The following NUP210L variants were observed in gnomAD, a reference collection of about 807,000 sequenced individuals.
The protein encoded by NUP210L is nucleoporin 210 like, also known as nuclear pore membrane glycoprotein 210-like.
Under a neutral mutation model 208.5 loss-of-function variants are expected in NUP210L, and 74 were observed. The observed-to-expected ratio is 0.35, with a 90% CI of 0.29 to 0.43. The LOEUF (loss-of-function observed/expected upper bound fraction) is 0.43, where lower values mean the gene tolerates loss of function less well. Among genes scored for constraint, NUP210L ranks in the 20% least tolerant of loss-of-function variants. NUP210L has a pLI of 1.00. For missense variants in NUP210L, 1,843 were observed against 2,289.4 expected (o/e 0.81, Z 3.98); for synonymous variants, 780 against 816.9 (o/e 0.95, Z 0.77).
rs1651977953 is a variant in NUP210L, at chr1:154,027,712, A to G, written c.3856-115T>C. ...TACATGCAAATAAATGACAACTACG[A>G]ATCAACAGTCTGCCTAACTTCTAAT... On this transcript the variant is annotated intron_variant, in intron 28 of 39. Transcript: ENST00000368559. The G allele has an allele frequency of 6.3e-6, 4 of 638,038 alleles. No homozygotes were observed. The African/African-American group carries it at 7.4e-5, about 12-fold the overall frequency. The allele number at this position is 638,038 out of a possible 1,614,324, so 39.5% of individuals were successfully genotyped here. A position where few individuals can be genotyped will look rare whatever the true frequency, so the allele number is the denominator to read the frequency against.
chr1:154,009,624 T>TAAA (rs35760411), intron 35 of NUP210L, among the ~76,000 whole-genome samples: 2 of 55,432 alleles, frequency 3.6e-5, no homozygotes, highest in African/African-American at 1.4e-4. Context: ...ACGTTGCTCT[T>TAAA]AAAAAAAAAA....
chr1:154,091,853 T>C (rs1655936208), intron 15 of NUP210L, among the ~76,000 whole-genome samples: 1 of 151,860 alleles, frequency 6.6e-6, no homozygotes, highest in Non-Finnish European at 1.5e-5. Flanking sequence ...GTACATATTT[T>C]ATATATACAT....
At position 154,046,273 on chromosome 1, in the gene NUP210L, G is replaced by A; in HGVS notation, c.3564+16C>T. 6.2e-7 allele frequency: 1 copy of A among 1,614,092 alleles called. No individual in the cohort carries two copies. The highest frequency in any genetic ancestry group is 8.5e-7 in the Non-Finnish European group (1 of 1,179,976). On this transcript the variant is annotated intron_variant, in intron 26 of 39. Transcript: ENST00000368559. Reference sequence around the variant, plus strand: ...TTATCAGAATAATGAGCCCTGAACAGAGCCATCATACTGACCTTGGTAGCT... The same window carrying A: ...TTATCAGAATAATGAGCCCTGAACAAAGCCATCATACTGACCTTGGTAGCT...
chr1:154,015,784 C>T (rs1251489563), intron 33 of NUP210L, among the ~76,000 whole-genome samples: 1 of 151,552 alleles, frequency 6.6e-6, no homozygotes, highest in Non-Finnish European at 1.5e-5. Context: ...TGGTGTGCAC[C>T]TGTGGTCCCA....
chr1:154,028,779 C>T (rs1446653396), intron 28 of NUP210L, among the ~76,000 whole-genome samples: 2 of 151,698 alleles, frequency 1.3e-5, no homozygotes, highest in African/African-American at 2.4e-5. Context: ...CCTGCAAGTA[C>T]TAATAGTTTC....
chr1:154,018,280 A>G (rs890355857), intron 33 of NUP210L, among the ~76,000 whole-genome samples: 1 of 151,786 alleles, frequency 6.6e-6, no homozygotes, highest in Non-Finnish European at 1.5e-5. Flanking sequence ...CCTTTTTTCT[A>G]TTTTACATTC....
At chr1:154,043,367 T>C (rs1028875837) in intron 27 of NUP210L, among the ~76,000 whole-genome samples, 3 of 149,610 alleles carry the variant, frequency 2.0e-5, no homozygotes, top group African/African-American at 7.4e-5. Context: ...CAGGCTGGAG[T>C]GCAATGGCGT....
chr1:154,072,056 T>A (rs1557956512), intron 16 of NUP210L, among the ~76,000 whole-genome samples: 1 of 152,020 alleles, frequency 6.6e-6, no homozygotes. Flanking sequence ...TGGTTCCACA[T>A]TTTTGCAATT....
intron 23 of NUP210L, among the ~76,000 whole-genome samples, chr1:154,055,143 C>CT (rs749472775): frequency 3.3e-4 from 34 of 104,360 alleles, no homozygotes; most frequent in African/African-American, 9.4e-4. Context: ...TTCTTTCTTT[C>CT]TTTCTTTCTT....
At chr1:154,111,680 G>A (rs1188100572) in intron 12 of NUP210L, among the ~76,000 whole-genome samples, 1 of 151,490 alleles carries the variant, frequency 6.6e-6, no homozygotes, top group Admixed American at 6.6e-5. Context: ...GGACTTGATG[G>A]ATTCATGGCT....
intron 16 of NUP210L, among the ~76,000 whole-genome samples, chr1:154,080,582 G>T (rs539701636): frequency 6.6e-6 from 1 of 151,914 alleles, no homozygotes; most frequent in Non-Finnish European, 1.5e-5. Context: ...TACTTGGGAG[G>T]AGATTCTGAG....
chr1:154,071,345 C>T (rs1440078540), intron 16 of NUP210L, among the ~76,000 whole-genome samples: 1 of 151,642 alleles, frequency 6.6e-6, no homozygotes. Context: ...TATTTGGTTA[C>T]AAGTAAGTTC....
chr1:154,132,583 A>T (rs1009179943), intron 7 of NUP210L, among the ~76,000 whole-genome samples: 17 of 152,222 alleles, frequency 1.1e-4, no homozygotes, highest in Non-Finnish European at 1.5e-5. Context: ...AAGATAAATA[A>T]ACAGACAAAT....
exon 20 of NUP210L, chr1:154,060,569 T>C: frequency 6.2e-7 from 1 of 1,613,240 alleles, no homozygotes; most frequent in Non-Finnish European, 8.5e-7. Flanking sequence ...TCCATGTAAG[T>C]GATGGTGACA....
At chr1:154,051,770 G>C (rs1403695234) in intron 25 of NUP210L, among the ~76,000 whole-genome samples, 2 of 152,290 alleles carry the variant, frequency 1.3e-5, no homozygotes, top group South Asian at 4.2e-4. Flanking sequence ...CACTTTGTCT[G>C]GGCTACAGGC....
At chr1:154,072,680 C>G (rs967549447) in intron 16 of NUP210L, among the ~76,000 whole-genome samples, 2 of 152,088 alleles carry the variant, frequency 1.3e-5, no homozygotes, top group African/African-American at 2.4e-5. Context: ...AAATGACACC[C>G]TATTTAACGA....
intron 3 of NUP210L, among the ~76,000 whole-genome samples, chr1:154,143,115 G>A (rs1658939145): frequency 6.7e-6 from 1 of 150,224 alleles, no homozygotes; most frequent in Admixed American, 6.7e-5. Flanking sequence ...TTGAACTCAG[G>A]AGGCAGAGGT....
chr1:154,120,591 C>T (rs1394545392), intron 10 of NUP210L, among the ~76,000 whole-genome samples: 1 of 144,688 alleles, frequency 6.9e-6, no homozygotes, highest in Non-Finnish European at 1.5e-5. Context: ...CAAACCTGCA[C>T]ATTGTGCACA....
intron 16 of NUP210L, among the ~76,000 whole-genome samples, chr1:154,072,327 C>CTTTTTTTTTTTTTTTTT (rs1213732819): frequency 1.2e-5 from 1 of 80,248 alleles, no homozygotes; most frequent in Non-Finnish European, 2.5e-5. Flanking sequence ...ATGGCCATTC[C>CTTTTTTTTTTTTTTTTT]TTTTTTTTTT....
Sources: gnomAD v4.1 joint callset for allele counts (sites outside exome capture counted in the v4.1 genomes callset) on GRCh38, gnomAD v4.1.1 for gene constraint, MANE v1.5 for transcripts, NCBI Gene and HGNC (gene_info 2026-07-23, HGNC 2026-07-21) for gene names.